Variants in SMARCA5 observed in about 807,000 individuals in gnomAD.
The protein encoded by SMARCA5 is SWI/SNF-related matrix-associated actin-dependent regulator of chromatin subfamily A member 5.
A neutral mutation model predicts 140.4 loss-of-function variants in SMARCA5; 18 were observed. The ratio of observed to expected loss-of-function variants is 0.13; its 90% CI spans 0.09 to 0.19. The LOEUF is 0.19. Ranked by LOEUF, SMARCA5 falls within the 10% of genes least tolerant of loss-of-function variation. The probability of loss-of-function intolerance (pLI) is 1.00; values close to 1 mark genes in which losing one functional copy is unlikely to be tolerated. For synonymous variants in SMARCA5, 449 were observed against 419.6 expected (o/e 1.07, Z -0.86); for missense variants, 606 against 1,276.8 (o/e 0.47, Z 8.01).
At chr4:143,530,962 C>G (rs143499235) in intron 9 of SMARCA5, among the ~76,000 whole-genome samples, 25 of 152,270 alleles carry the variant, frequency 1.6e-4, no homozygotes, top group African/African-American at 5.5e-4. Context: ...GCTACAGGCT[C>G]TGGCCACCAT....
chr4:143,523,716 G>T (rs374148706), intron 3 of SMARCA5, among the ~76,000 whole-genome samples: 6 of 152,120 alleles, frequency 3.9e-5, no homozygotes, highest in Non-Finnish European at 7.3e-5. Flanking sequence ...TAGATTCAGC[G>T]GTCTCAACAG....
intron 10 of SMARCA5, 87 bp from the exon 11 acceptor site, chr4:143,536,365 A>T: frequency 1.2e-6 from 1 of 848,708 alleles, no homozygotes; most frequent in Middle Eastern, 2.3e-4. Flanking sequence ...TTGGGGGTTC[A>T]TGTGGGGAAG....
At chr4:143,531,104 G>A (rs1352058610) in intron 9 of SMARCA5, among the ~76,000 whole-genome samples, 1 of 152,202 alleles carries the variant, frequency 6.6e-6, no homozygotes, top group Non-Finnish European at 1.5e-5. Context: ...ACAGGCATGA[G>A]CCACCACGCC....
At chr4:143,535,507 CAT>C (rs1192780263) in intron 10 of SMARCA5, among the ~76,000 whole-genome samples, 2 of 152,074 alleles carry the variant, frequency 1.3e-5, no homozygotes, top group African/African-American at 4.8e-5. Flanking sequence ...GACTTAATAT[CAT>C]ATAGAGAACT....
At chr4:143,522,215 G>A (rs894694674) in intron 3 of SMARCA5, among the ~76,000 whole-genome samples, 28 of 152,210 alleles carry the variant, frequency 1.8e-4, no homozygotes, top group African/African-American at 6.7e-4. Context: ...AATTTTTATT[G>A]CATACTTAGT....
intron 1 of SMARCA5, among the ~76,000 whole-genome samples, chr4:143,516,871 A>G (rs2149815766): frequency 6.6e-6 from 1 of 152,338 alleles, no homozygotes; most frequent in South Asian, 2.1e-4. Flanking sequence ...TAGAGTATTC[A>G]ATTTAGGCTG....
intron 9 of SMARCA5, among the ~76,000 whole-genome samples, chr4:143,533,088 A>C (rs1560816862): frequency 6.6e-6 from 1 of 152,234 alleles, no homozygotes; most frequent in African/African-American, 2.4e-5. Flanking sequence ...TGTGTAGTTA[A>C]TTTTAAAACT....
intron 2 of SMARCA5, among the ~76,000 whole-genome samples, chr4:143,520,694 T>A (rs906851508): frequency 4.4e-4 from 67 of 152,202 alleles, no homozygotes; most frequent in African/African-American, 1.4e-3. Flanking sequence ...CTTGTCTTGC[T>A]TCTCCTTTGT....
chr4:143,513,810 G>A lies in SMARCA5; in HGVS notation c.-115G>A. On this transcript the variant is annotated 5_prime_UTR_variant, in exon 1 of 24. Coordinates refer to ENST00000283131, the MANE Select transcript of SMARCA5 (RefSeq NM_003601.4). ...GCGCGGCGCAGGGGAGCGCTCGGGT[G>A]GGAGTCTCGCTCCTCCACCAGTTTA... 8.2e-7 allele frequency: 1 copy of A among 1,225,442 alleles called. No individual in the cohort carries two copies. The highest frequency in any genetic ancestry group is 1.1e-6 in the Non-Finnish European group (1 of 893,970). 75.9% of individuals were successfully genotyped at this position (1,225,442 alleles called of 1,614,324 possible). A position where few individuals can be genotyped will look rare whatever the true frequency, so the allele number is the denominator to read the frequency against.
At chr4:143,533,841 A>G (rs1297201535) in intron 9 of SMARCA5, among the ~76,000 whole-genome samples, 3 of 152,164 alleles carry the variant, frequency 2.0e-5, no homozygotes, top group Non-Finnish European at 2.9e-5. Flanking sequence ...AAGGCAGCAA[A>G]TTGTTGAAAA....
At chr4:143,538,966 G>A (rs866130865) in intron 13 of SMARCA5, 28 bp downstream of exon 13, 2 of 1,597,070 alleles carry the variant, frequency 1.3e-6, no homozygotes, top group Admixed American at 1.7e-5. Context: ...AATATATTCT[G>A]TGCTTAGTAG....
At chr4:143,551,125 CATT>C (rs1245001714) in intron 23 of SMARCA5, among the ~76,000 whole-genome samples, 2 of 19,330 alleles carry the variant, frequency 1.0e-4, no homozygotes, top group East Asian at 3.3e-3. Context: ...GATGTTATCT[CATT>C]GTAGTTTTGA....
At chr4:143,524,296 A>T in intron 3 of SMARCA5, 71 bp from the exon 4 acceptor site, 2 of 1,023,222 alleles carry the variant, frequency 2.0e-6, no homozygotes, top group Non-Finnish European at 2.9e-6. Context: ...CCACTTGACT[A>T]TGATGTTTAA....
In SMARCA5 at chr4:143,550,159, GTATT is replaced by G. The variant is rs538923473; in HGVS notation, c.3093+58_3093+61del. On this transcript the variant is annotated intron_variant, in intron 23 of 23. Coordinates refer to ENST00000283131, the MANE Select transcript of SMARCA5 (RefSeq NM_003601.4). ...GATTATGTAAATTTCCCCTTTCTAA[GTATT>G]TAACACTGCTTGGCTGTCATTGATG... The G allele has an allele frequency of 1.0e-2, 9,391 of 941,640 alleles. 73 individuals carry two copies. Among genetic ancestry groups the G allele is most frequent in the Non-Finnish European group, 0.013 (8,387 of 633,110 alleles). The allele number at this position is 941,640 out of a possible 1,614,324, so 58.3% of individuals were successfully genotyped here.
chr4:143,532,534 C>T (rs1737211126), intron 9 of SMARCA5, among the ~76,000 whole-genome samples: 1 of 152,170 alleles, frequency 6.6e-6, no homozygotes, highest in African/African-American at 2.4e-5. Context: ...CTTTCTCCTG[C>T]TCTTTACTTT....
At chr4:143,532,303 A>G (rs2149820578) in intron 9 of SMARCA5, among the ~76,000 whole-genome samples, 1 of 152,302 alleles carries the variant, frequency 6.6e-6, no homozygotes, top group Non-Finnish European at 1.5e-5. Flanking sequence ...TCTTGGGGGT[A>G]GAAAAGGAGG....
chr4:143,517,410 C>T lies in SMARCA5; in HGVS notation c.233C>T (p.Pro78Leu). 6.2e-7 allele frequency: 1 copy of T among 1,609,126 alleles called. No homozygotes were observed. Among genetic ancestry groups the T allele is most frequent in the Non-Finnish European group, 8.5e-7 (1 of 1,177,238 alleles). ...GKQKEIQEPD[P>L]TYEEKMQTDR... ...CAAAAGGAAATCCAAGAACCAGATCCTACCTATGAAGAAAAAATGGTATGT... is the reference window on the plus strand; with the variant it reads ...CAAAAGGAAATCCAAGAACCAGATCTTACCTATGAAGAAAAAATGGTATGT... The change falls in exon 2 of 24, where the codon CCT becomes CTT. Residue 78 changes from proline (P) to leucine (L), a missense_variant. Physicochemically the swap from Pro to Leu is moderately conservative, Grantham distance 98. Coordinates refer to ENST00000283131, the MANE Select transcript of SMARCA5 (RefSeq NM_003601.4).
intron 2 of SMARCA5, among the ~76,000 whole-genome samples, chr4:143,517,645 T>G (rs1022431286): frequency 1.3e-5 from 2 of 152,204 alleles, no homozygotes; most frequent in African/African-American, 4.8e-5. Flanking sequence ...TGTCATTATA[T>G]GGAGGAAGGC....
intron 1 of SMARCA5, among the ~76,000 whole-genome samples, chr4:143,515,050 G>C (rs1736798966): frequency 6.6e-6 from 1 of 152,060 alleles, no homozygotes; most frequent in Admixed American, 6.6e-5. Flanking sequence ...TTATTTTCTT[G>C]GCCTTCGACC....
Sources: allele counts gnomAD v4.1 joint callset (sites outside exome capture counted in the v4.1 genomes callset), GRCh38; gene constraint gnomAD v4.1.1; transcripts MANE v1.5; gene names NCBI Gene and HGNC (gene_info 2026-07-23, HGNC 2026-07-21).